Variants in LRRC4C observed in about 807,000 individuals in gnomAD.
LRRC4C encodes leucine rich repeat containing 4C.
LRRC4C carries 5 observed loss-of-function variants against 33.6 expected under a neutral mutation model. The observed-to-expected ratio is 0.15, with a 90% CI of 0.08 to 0.31. The LOEUF (loss-of-function observed/expected upper bound fraction) is 0.31. Ranked by LOEUF, LRRC4C falls within the 10% of genes least tolerant of loss-of-function variation. The probability of loss-of-function intolerance (pLI) is 1.00; values close to 1 mark genes in which losing one functional copy is unlikely to be tolerated. For synonymous variants in LRRC4C, 329 were observed against 302.0 expected (o/e 1.09, Z -0.93); for missense variants, 560 against 796.7 (o/e 0.70, Z 3.58).
intron 3 of LRRC4C, among the ~76,000 whole-genome samples, chr11:40,480,043 A>G (rs1565430972): frequency 2.6e-5 from 4 of 152,172 alleles, no homozygotes; most frequent in East Asian, 3.9e-4. Flanking sequence ...TTTGAAAGGC[A>G]ATTAAGCTGA....
intron 3 of LRRC4C, among the ~76,000 whole-genome samples, chr11:40,528,602 T>C (rs559918816): frequency 6.6e-5 from 10 of 152,032 alleles, no homozygotes; most frequent in African/African-American, 2.2e-4. Flanking sequence ...AAATTAGAAA[T>C]AGAACTACCA....
chr11:41,412,154 T>TGTAAAC (rs917974848), intron 1 of LRRC4C, among the ~76,000 whole-genome samples: 11 of 152,202 alleles, frequency 7.2e-5, no homozygotes, highest in African/African-American at 2.4e-4. Context: ...ATTTTCACTT[T>TGTAAAC]GTAAACATTT....
At chr11:40,562,015 T>C (rs72886916) in intron 3 of LRRC4C, among the ~76,000 whole-genome samples, 1 of 152,174 alleles carries the variant, frequency 6.6e-6, no homozygotes, top group Non-Finnish European at 1.5e-5. Flanking sequence ...TCCAATAAAC[T>C]GAGAGAAAAT....
At chr11:40,527,100 C>T (rs1452031956) in intron 3 of LRRC4C, among the ~76,000 whole-genome samples, 2 of 152,076 alleles carry the variant, frequency 1.3e-5, no homozygotes, top group African/African-American at 4.8e-5. Context: ...TCAATACAGT[C>T]ATCACCCTGC....
intron 2 of LRRC4C, among the ~76,000 whole-genome samples, chr11:40,866,131 C>T (rs969240876): frequency 5.4e-5 from 8 of 148,832 alleles, no homozygotes; most frequent in African/African-American, 1.7e-4. Context: ...AACAGAGCAG[C>T]CCAAAGTCTC....
intron 3 of LRRC4C, among the ~76,000 whole-genome samples, chr11:40,366,696 C>T (rs187620586): frequency 1.3e-5 from 2 of 151,866 alleles, no homozygotes; most frequent in Admixed American, 6.6e-5. Flanking sequence ...ACATAACAAA[C>T]ATTTTTGAGT....
intron 2 of LRRC4C, among the ~76,000 whole-genome samples, chr11:40,760,177 A>C (rs562413553): frequency 3.5e-4 from 54 of 152,196 alleles, no homozygotes; most frequent in African/African-American, 1.2e-3. Context: ...TAAAAATTAA[A>C]AAAAAATTAA....
intron 1 of LRRC4C, among the ~76,000 whole-genome samples, chr11:41,270,517 G>T (rs1363788649): frequency 6.6e-6 from 1 of 152,028 alleles, no homozygotes; most frequent in African/African-American, 2.4e-5. Flanking sequence ...AAAAAGGCAG[G>T]GTCTGCTCTT....
At chr11:41,209,109 G>C (rs1003084660) in intron 1 of LRRC4C, among the ~76,000 whole-genome samples, 1 of 151,364 alleles carries the variant, frequency 6.6e-6, no homozygotes, top group East Asian at 1.9e-4. Flanking sequence ...ACTAAGCATA[G>C]TGTTTTGGTG....
At chr11:40,856,268 T>G (rs1045398463) in intron 2 of LRRC4C, among the ~76,000 whole-genome samples, 1 of 152,172 alleles carries the variant, frequency 6.6e-6, no homozygotes, top group Non-Finnish European at 1.5e-5. Flanking sequence ...TTTGGATACA[T>G]AGCTACATAA....
chr11:41,440,298 T>A (rs1955573545), intron 1 of LRRC4C, among the ~76,000 whole-genome samples: 2 of 152,118 alleles, frequency 1.3e-5, no homozygotes, highest in Admixed American at 1.3e-4. Flanking sequence ...GAGAATAGGT[T>A]AGAAGAAAAC....
chr11:40,886,981 TAC>T (rs1334380902), intron 2 of LRRC4C, among the ~76,000 whole-genome samples: 2 of 148,440 alleles, frequency 1.3e-5, no homozygotes, highest in African/African-American at 5.0e-5. Flanking sequence ...TATATATATA[TAC>T]GTGTATATAT....
chr11:40,530,171 C>T (rs1021965980), intron 3 of LRRC4C, among the ~76,000 whole-genome samples: 2 of 152,000 alleles, frequency 1.3e-5, no homozygotes, highest in Non-Finnish European at 2.9e-5. Flanking sequence ...AAAACATTTT[C>T]TCTGGTGAAT....
intron 3 of LRRC4C, among the ~76,000 whole-genome samples, chr11:40,416,392 C>T (rs943822462): frequency 6.6e-6 from 1 of 152,060 alleles, no homozygotes; most frequent in African/African-American, 2.4e-5. Flanking sequence ...GGGAGAGATG[C>T]TCCAGGCAGA....
intron 2 of LRRC4C, among the ~76,000 whole-genome samples, chr11:40,663,927 T>C (rs556329182): frequency 6.6e-6 from 1 of 152,258 alleles, no homozygotes; most frequent in Admixed American, 6.5e-5. Context: ...AAAGACATCA[T>C]AGAGAATCTC....
intron 2 of LRRC4C, among the ~76,000 whole-genome samples, chr11:40,672,138 A>G (rs1327294725): frequency 6.6e-6 from 1 of 152,198 alleles, no homozygotes; most frequent in Non-Finnish European, 1.5e-5. Flanking sequence ...GTTCTGTAGA[A>G]TGAAAAGTCC....
Position 40,771,104 on chromosome 11 carries a change from G to A in LRRC4C, c.-406-122826C>T, listed in dbSNP as rs908669551. 4.6e-4 allele frequency among the ~76,000 whole-genome samples: 70 copies of A among 152,234 alleles called. 1 individual carries two copies. The highest frequency in any genetic ancestry group is 4.5e-3 in the Admixed American group (69 of 15,282). On this transcript the variant is annotated intron_variant, in intron 2 of 6. Coordinates refer to ENST00000528697, the MANE Select transcript of LRRC4C (RefSeq NM_001258419.2). ...TTCCCTTCTGCACTGCCTTAGCAGA[G>A]TTTCTCCATGAAGGCCTTGCTCCTG...
intron 1 of LRRC4C, among the ~76,000 whole-genome samples, chr11:41,195,133 T>C (rs569224775): frequency 9.9e-5 from 15 of 152,236 alleles, no homozygotes; most frequent in Non-Finnish European, 2.1e-4. Context: ...TTTTTTCTCC[T>C]CATAGGCCCC....
intron 2 of LRRC4C, among the ~76,000 whole-genome samples, chr11:40,705,150 T>A (rs1253200205): frequency 1.3e-5 from 2 of 152,142 alleles, no homozygotes; most frequent in Admixed American, 6.6e-5. Flanking sequence ...TTGCTCAAGG[T>A]CTCAAATTAA....
Sources: allele counts gnomAD v4.1 joint callset (sites outside exome capture counted in the v4.1 genomes callset), GRCh38; gene constraint gnomAD v4.1.1; transcripts MANE v1.5; gene names NCBI Gene and HGNC (gene_info 2026-07-23, HGNC 2026-07-21).